Variants in REPS2 observed in about 807,000 individuals in gnomAD.
REPS2 encodes the protein ralBP1-associated Eps domain-containing protein 2.
REPS2 carries 23 observed loss-of-function variants against 53.6 expected under a neutral mutation model. The observed-to-expected ratio is 0.43, with a 90% CI of 0.31 to 0.61. The LOEUF (loss-of-function observed/expected upper bound fraction) is 0.61, where lower values mean the gene tolerates loss of function less well. REPS2 is among the 20% of genes least tolerant of loss of function. The pLI, the probability that REPS2 is intolerant of heterozygous loss-of-function variation, is 0.11. For missense variants in REPS2, 446 were observed against 534.9 expected (o/e 0.83, Z 1.64); for synonymous variants, 238 against 218.6 (o/e 1.09, Z -0.78).
At chrX:17,014,375 C>T (rs1158609486) in intron 2 of REPS2, among the ~76,000 whole-genome samples, 2 of 111,659 alleles carry the variant, frequency 1.8e-5, no homozygotes, top group Admixed American at 1.9e-4. Context: ...CCTCCTCTGC[C>T]AAACATTTAC....
intron 4 of REPS2, among the ~76,000 whole-genome samples, chrX:17,027,795 G>A (rs1051804595): frequency 2.7e-5 from 3 of 109,473 alleles, no homozygotes; most frequent in African/African-American, 1.0e-4. Context: ...TTTCATTTGG[G>A]AAGAAAGAGA....
At chrX:17,095,350 A>G (rs1428591235) in intron 13 of REPS2, among the ~76,000 whole-genome samples, 2 of 111,718 alleles carry the variant, frequency 1.8e-5, no homozygotes, top group Non-Finnish European at 3.8e-5. Context: ...TCAGCATCCA[A>G]AGTGCATATT....
At chrX:17,093,681 T>C (rs189153630) in intron 13 of REPS2, among the ~76,000 whole-genome samples, 3 of 111,734 alleles carry the variant, frequency 2.7e-5, no homozygotes, top group African/African-American at 9.8e-5. Context: ...ATCTTTCTCC[T>C]CCACCCTTCC....
intron 13 of REPS2, among the ~76,000 whole-genome samples, chrX:17,089,048 GA>G (rs1447560295): frequency 2.7e-5 from 3 of 111,514 alleles, no homozygotes. Context: ...ATTAAAGAAT[GA>G]ATATGGTAAC....
the REPS2 span, among the ~76,000 whole-genome samples, chrX:17,175,346 C>G: frequency 8.9e-6 from 1 of 112,481 alleles, no homozygotes; most frequent in Non-Finnish European, 1.9e-5. Flanking sequence ...AAGAATTAGA[C>G]ACGGTTATCT....
intron 1 of REPS2, among the ~76,000 whole-genome samples, chrX:16,962,704 G>A (rs989560023): frequency 8.9e-6 from 1 of 112,145 alleles, no homozygotes; most frequent in Admixed American, 9.5e-5. Context: ...AAGGTGATGA[G>A]TATGTCAGAT....
the REPS2 span, among the ~76,000 whole-genome samples, chrX:17,193,023 C>T: frequency 8.9e-6 from 1 of 112,338 alleles, no homozygotes; most frequent in Non-Finnish European, 1.9e-5. Context: ...CCACTGTGAA[C>T]GTTTGAGTTT....
At chrX:17,107,086 C>CGAAA (rs2062884260) in intron 14 of REPS2, among the ~76,000 whole-genome samples, 2 of 112,237 alleles carry the variant, frequency 1.8e-5, no homozygotes, top group Non-Finnish European at 3.8e-5. Context: ...AAAGTGAAAT[C>CGAAA]AGGTTCTGAT....
At chrX:17,185,482 G>A in the REPS2 span, among the ~76,000 whole-genome samples, 1 of 111,800 alleles carries the variant, frequency 8.9e-6, no homozygotes, top group African/African-American at 3.3e-5. Context: ...CGCGAGAGCA[G>A]AACTTTGGCC....
At chrX:17,047,565 G>A in intron 6 of REPS2, 83 bp downstream of exon 6, 7 of 1,059,113 alleles carry the variant, frequency 6.6e-6, no homozygotes, top group Non-Finnish European at 9.0e-6. Flanking sequence ...AATGAGTATG[G>A]CAGCCTTCTG....
chrX:17,153,849 TA>T (rs1295722310), downstream of REPS2, among the ~76,000 whole-genome samples: 2 of 111,335 alleles, frequency 1.8e-5, no homozygotes, highest in Non-Finnish European at 3.8e-5. Context: ...ATTTGGCCCA[TA>T]AGCTTGGACA....
At chrX:16,975,334 C>A (rs2060942598) in intron 1 of REPS2, among the ~76,000 whole-genome samples, 1 of 112,124 alleles carries the variant, frequency 8.9e-6, no homozygotes, top group Non-Finnish European at 1.9e-5. Context: ...CTCCTACCAG[C>A]AGTATGTAAG....
intron 1 of REPS2, among the ~76,000 whole-genome samples, chrX:16,969,302 C>G (rs1250564174): frequency 8.9e-6 from 1 of 111,761 alleles, no homozygotes; most frequent in Non-Finnish European, 1.9e-5. Context: ...GGCAGAGACA[C>G]TCCTCACTTT....
chrX:16,947,002 C>T lies in REPS2; in HGVS notation c.141C>T (p.Gly47=). 1 of 935,860 alleles carries T rather than the reference C, an allele frequency of 1.1e-6. No individual in the cohort carries two copies. The allele number at this position is 935,860 out of a possible 1,213,427, so 77.1% of individuals were successfully genotyped here. The part of the protein sequence containing the change: ...CYSELFARCA[G]AAGGGPGSGP... ...CCGAGCTCTTCGCGCGCTGTGCCGGCGCCGCGGGCGGGGGCCCCGGGTCTG... is the reference window on the plus strand; with the variant it reads ...CCGAGCTCTTCGCGCGCTGTGCCGGTGCCGCGGGCGGGGGCCCCGGGTCTG... Residue 47 remains glycine, a synonymous_variant, in exon 1 of 18, where the codon GGC becomes GGT. Transcript: ENST00000357277.
At chrX:17,034,274 G>C (rs778237380) in intron 5 of REPS2, among the ~76,000 whole-genome samples, 9 of 111,356 alleles carry the variant, frequency 8.1e-5, no homozygotes, top group Middle Eastern at 4.6e-3. Flanking sequence ...TAATATGTGT[G>C]TGTATGCACT....
chrX:17,189,378 C>T, the REPS2 span, among the ~76,000 whole-genome samples: 1 of 109,063 alleles, frequency 9.2e-6, no homozygotes, highest in Non-Finnish European at 1.9e-5. Context: ...CTCCGCCTCC[C>T]GGGTTCAAGC....
intron 9 of REPS2, among the ~76,000 whole-genome samples, chrX:17,063,644 A>C (rs184275712): frequency 2.2e-4 from 25 of 112,177 alleles, no homozygotes; most frequent in African/African-American, 8.1e-4. Context: ...GCATTTGAAG[A>C]ATTTTGGTTA....
chrX:17,001,547 G>A (rs1003379423), intron 1 of REPS2, among the ~76,000 whole-genome samples: 1 of 112,412 alleles, frequency 8.9e-6, no homozygotes, highest in African/African-American at 3.2e-5. Flanking sequence ...ATTAGGGGGA[G>A]ACTAAGGGAA....
chrX:17,154,174 CTG>C (rs966411388), downstream of REPS2, among the ~76,000 whole-genome samples: 5 of 112,012 alleles, frequency 4.5e-5, no homozygotes, highest in Non-Finnish European at 9.4e-5. Flanking sequence ...GTCAAAGAAA[CTG>C]TGGTGCAGAA....
Sources: allele counts gnomAD v4.1 joint callset (sites outside exome capture counted in the v4.1 genomes callset), GRCh38; gene constraint gnomAD v4.1.1; transcripts MANE v1.5; gene names NCBI Gene and HGNC (gene_info 2026-07-23, HGNC 2026-07-21).